The following PHTF1 variants were observed in gnomAD, a reference collection of about 807,000 sequenced individuals.
PHTF1 encodes putative homeodomain transcription factor 1.
PHTF1 carries 88 observed loss-of-function variants against 102.4 expected under a neutral mutation model. That is an observed-to-expected ratio of 0.86 (90% CI 0.72 to 1.03). The LOEUF (loss-of-function observed/expected upper bound fraction) is 1.03, where lower values mean the gene tolerates loss of function less well. Ranked by LOEUF, PHTF1 falls within the 50% of genes least tolerant of loss-of-function variation. PHTF1 has a pLI of 0.00. For synonymous variants in PHTF1, 289 were observed against 305.2 expected, an observed-to-expected ratio of 0.95 and a Z score of 0.55; for missense variants, 814 against 909.5, an observed-to-expected ratio of 0.89 and a Z score of 1.35.
At chr1:113,733,897 G>A (rs1655076592) in intron 5 of PHTF1, among the ~76,000 whole-genome samples, 1 of 152,156 alleles carries the variant, frequency 6.6e-6, no homozygotes, top group South Asian at 2.1e-4. Flanking sequence ...ACGAATACTT[G>A]AAGTACATAG....
chr1:113,752,735 C>T (rs1658285894), intron 3 of PHTF1, among the ~76,000 whole-genome samples: 1 of 152,190 alleles, frequency 6.6e-6, no homozygotes, highest in Non-Finnish European at 1.5e-5. Context: ...TGGGATTATG[C>T]TGTCATGAGT....
intron 5 of PHTF1, among the ~76,000 whole-genome samples, chr1:113,730,293 T>C (rs2101510456): frequency 6.6e-6 from 1 of 152,332 alleles, no homozygotes; most frequent in African/African-American, 2.4e-5. Flanking sequence ...GTTCTTGATT[T>C]GTAATTCATC....
At chr1:113,737,123 T>G (rs1056386700) in intron 5 of PHTF1, among the ~76,000 whole-genome samples, 2 of 151,972 alleles carry the variant, frequency 1.3e-5, no homozygotes, top group African/African-American at 4.8e-5. Context: ...TAGTGAAAAA[T>G]TTGGAGGAAG....
At chr1:113,756,893 C>G (rs1234533358) in intron 3 of PHTF1, among the ~76,000 whole-genome samples, 2 of 152,156 alleles carry the variant, frequency 1.3e-5, no homozygotes, top group Non-Finnish European at 2.9e-5. Flanking sequence ...CTAGGCCGGG[C>G]GCGGTGGCTC....
intron 3 of PHTF1, among the ~76,000 whole-genome samples, chr1:113,746,541 G>C (rs1657274300): frequency 6.6e-6 from 1 of 152,104 alleles, no homozygotes; most frequent in Non-Finnish European, 1.5e-5. Flanking sequence ...TGAATAATTA[G>C]GAAAATTACT....
At chr1:113,699,506 A>G in intron 17 of PHTF1, 198 bp downstream of exon 17, 1 of 652,792 alleles carries the variant, frequency 1.5e-6, no homozygotes. Flanking sequence ...TTTGTCCTTA[A>G]TCTTGCCTCC....
At chr1:113,717,821 T>C (rs927569329) in intron 7 of PHTF1, among the ~76,000 whole-genome samples, 1 of 152,112 alleles carries the variant, frequency 6.6e-6, no homozygotes, top group African/African-American at 2.4e-5. Context: ...CCAGCCCCCA[T>C]GATTCAATTA....
chr1:113,755,552 T>C (rs1185691629), intron 3 of PHTF1, among the ~76,000 whole-genome samples: 1 of 152,176 alleles, frequency 6.6e-6, no homozygotes, highest in African/African-American at 2.4e-5. Context: ...TAGATTACCC[T>C]ATGAGAGAAC....
chr1:113,757,122 A>G (rs1051743712), intron 3 of PHTF1, among the ~76,000 whole-genome samples: 48 of 152,266 alleles, frequency 3.2e-4, no homozygotes, highest in African/African-American at 1.1e-3. Context: ...GGCCAAGATC[A>G]CGCCACTGCA....
chr1:113,743,169 A>T (rs1656688935), intron 3 of PHTF1, among the ~76,000 whole-genome samples: 1 of 152,164 alleles, frequency 6.6e-6, no homozygotes, highest in African/African-American at 2.4e-5. Flanking sequence ...TATAAGCTTT[A>T]TAATTTTTTT....
Position 113,697,680 on chromosome 1 carries a change from G to T in PHTF1, c.*25C>A, listed in dbSNP as rs1257034916. The T allele has an allele frequency of 2.7e-6, 4 of 1,505,218 alleles. No individual in the cohort carries two copies. The highest frequency in any genetic ancestry group is 3.6e-6 in the Non-Finnish European group (4 of 1,110,928). 93.2% of individuals were successfully genotyped at this position (1,505,218 alleles called of 1,614,324 possible). A position where few individuals can be genotyped will look rare whatever the true frequency, so the allele number is the denominator to read the frequency against. ...ATAGGTAAGTTTTGATACCAGCCAGGGGAGAGTCCAGGCATTTACTCAGCT... is the reference window on the plus strand; with the variant it reads ...ATAGGTAAGTTTTGATACCAGCCAGTGGAGAGTCCAGGCATTTACTCAGCT... On this transcript the variant is annotated 3_prime_UTR_variant, in exon 19 of 19. Coordinates refer to ENST00000369604, the MANE Select transcript of PHTF1 (RefSeq NM_001323043.2).
rs1182696089 is a variant in PHTF1 at position 113,710,344 on chromosome 1, C to T, written c.1179G>A (p.Arg393=). The T allele has an allele frequency of 1.2e-6, 2 of 1,614,116 alleles. No homozygotes were observed. The highest frequency in any genetic ancestry group is 1.7e-6 in the Non-Finnish European group (2 of 1,179,994). ...WDDLLHGPEC[R]SSVTSDSEGA... Reference sequence around the variant, plus strand: ...CCTCACTGTCACTGGTGACAGATGACCGGCACTCTGGGCCATGTAGCAGGT... The same window carrying T: ...CCTCACTGTCACTGGTGACAGATGATCGGCACTCTGGGCCATGTAGCAGGT... Residue 393 remains arginine, a synonymous_variant, in exon 11 of 19, where the codon CGG becomes CGA. Coordinates refer to ENST00000369604, the MANE Select transcript of PHTF1 (RefSeq NM_001323043.2).
At chr1:113,754,580 T>A (rs1351196374) in intron 3 of PHTF1, among the ~76,000 whole-genome samples, 1 of 152,212 alleles carries the variant, frequency 6.6e-6, no homozygotes, top group African/African-American at 2.4e-5. Context: ...TTGATTACAT[T>A]TTCTTTCTCT....
intron 17 of PHTF1, 100 bp from the exon 18 acceptor site, chr1:113,698,487 A>C (rs1649047102): frequency 9.9e-7 from 1 of 1,009,142 alleles, no homozygotes; most frequent in Non-Finnish European, 1.5e-6. Context: ...TGAATGCTTA[A>C]GGCTGTCTTT....
At chr1:113,713,711 C>G (rs1276575083) in intron 7 of PHTF1, 1 of 325,604 alleles carries the variant, frequency 3.1e-6, no homozygotes, top group Non-Finnish European at 5.6e-6. Context: ...GTTCACAGTC[C>G]TCTCCACATC....
At chr1:113,727,080 T>C (rs191395044) in intron 5 of PHTF1, among the ~76,000 whole-genome samples, 3 of 152,154 alleles carry the variant, frequency 2.0e-5, no homozygotes, top group Non-Finnish European at 4.4e-5. Context: ...TCAAAGCATA[T>C]ATATAAAATG....
intron 7 of PHTF1, among the ~76,000 whole-genome samples, chr1:113,722,808 A>C (rs913647023): frequency 5.2e-4 from 79 of 151,184 alleles, no homozygotes; most frequent in Admixed American, 4.4e-3. Context: ...CTGTAATCCC[A>C]GCTACTCGGG....
At chr1:113,720,007 T>C (rs1652662091) in intron 7 of PHTF1, among the ~76,000 whole-genome samples, 1 of 152,156 alleles carries the variant, frequency 6.6e-6, no homozygotes, top group South Asian at 2.1e-4. Flanking sequence ...GTGAGACTTA[T>C]TCACTATCAC....
In PHTF1 at chr1:113,711,802, C is replaced by T; in HGVS notation, c.991G>A (p.Val331Met). The stretch of plus-strand genomic sequence containing the variant: ...TCAGCCAGACTATCTGAATCCCGCA[C>T]AATATGACACCACCTTGTAGTGGTT... Reference protein sequence around the residue: ...KKTTTRWCHIVRDSDSLAESE... With the variant: ...KKTTTRWCHIMRDSDSLAESE... The change falls in exon 10 of 19, where the codon GTG becomes ATG. Residue 331 changes from valine to methionine, a missense_variant. Val to Met is a conservative substitution (Grantham distance 21). Transcript: ENST00000369604. The T allele has an allele frequency of 6.2e-7, 1 of 1,614,044 alleles. No homozygotes were observed.
Sources: allele counts gnomAD v4.1 joint callset (sites outside exome capture counted in the v4.1 genomes callset), GRCh38; gene constraint gnomAD v4.1.1; transcripts MANE v1.5; gene names NCBI Gene and HGNC (gene_info 2026-07-23, HGNC 2026-07-21).